The following SLC24A3 variants were observed in gnomAD, a reference collection of about 807,000 sequenced individuals.
The protein encoded by SLC24A3 is solute carrier family 24 member 3.
A neutral mutation model predicts 75.8 loss-of-function variants in SLC24A3; 28 were observed. The ratio of observed to expected loss-of-function variants is 0.37; its 90% CI spans 0.27 to 0.51. The LOEUF is 0.51. Among genes scored for constraint, SLC24A3 ranks in the 20% least tolerant of loss-of-function variants. The pLI, the probability that SLC24A3 is intolerant of heterozygous loss-of-function variation, is 0.94. For missense variants in SLC24A3, 663 were observed against 847.8 expected (o/e 0.78, Z 2.71); for synonymous variants, 372 against 334.1 (o/e 1.11, Z -1.24).
Position 19,457,498 on chromosome 20 carries a change from T to A in SLC24A3, c.272-57990T>A, listed in dbSNP as rs540901759. 2.0e-3 allele frequency among the ~76,000 whole-genome samples: 307 copies of A among 152,364 alleles called. 3 individuals are homozygous for A. Among genetic ancestry groups the A allele is most frequent in the Non-Finnish European group, 4.1e-3 (282 of 68,038 alleles). The stretch of plus-strand genomic sequence containing the variant: ...TAGTATTTTTACAATTTAGATGGTT[T>A]ATTCTACTGAATAGAAAAATGCCAA... On this transcript the variant is annotated intron_variant, in intron 2 of 16. Coordinates refer to ENST00000328041, the MANE Select transcript of SLC24A3 (RefSeq NM_020689.4).
At chr20:19,308,919 G>A (rs1984391901) in intron 2 of SLC24A3, among the ~76,000 whole-genome samples, 1 of 152,178 alleles carries the variant, frequency 6.6e-6, no homozygotes, top group African/African-American at 2.4e-5. Context: ...AAAGTGATAA[G>A]CATTTGATTG....
At chr20:19,671,682 G>T (rs1772717401) in intron 8 of SLC24A3, among the ~76,000 whole-genome samples, 1 of 151,606 alleles carries the variant, frequency 6.6e-6, no homozygotes, top group South Asian at 2.1e-4. Flanking sequence ...TTTTAAGGAG[G>T]CTAGGAAATA....
In SLC24A3 at chr20:19,592,795, TTC is replaced by T. The variant is rs781419912; in HGVS notation, c.612+7253_612+7254del. Among the ~76,000 whole-genome samples, 220 of 145,082 alleles carry T rather than the reference TTC, an allele frequency of 1.5e-3. 1 individual carries two copies. Among genetic ancestry groups the T allele is most frequent in the African/African-American group, 5.2e-3 (206 of 39,672 alleles). ...TTCGGCAAAAATTTTCTTTCTTTCT[TTC>T]TTTTTTTTTTTTTTTTGAGATAGAG... On this transcript the variant is annotated intron_variant, in intron 6 of 16. Transcript: ENST00000328041.
At chr20:19,491,878 C>T (rs974329118) in intron 2 of SLC24A3, among the ~76,000 whole-genome samples, 6 of 152,140 alleles carry the variant, frequency 3.9e-5, no homozygotes, top group Admixed American at 1.3e-4. Context: ...GGCAAGGGCG[C>T]TGGGCTTGCA....
intron 3 of SLC24A3, among the ~76,000 whole-genome samples, chr20:19,551,044 G>T (rs1187140916): frequency 2.0e-5 from 3 of 152,222 alleles, no homozygotes; most frequent in Non-Finnish European, 4.4e-5. Context: ...ACAAATAGTG[G>T]CCTAACTCCT....
chr20:19,521,223 A>G (rs2030092291), intron 3 of SLC24A3, among the ~76,000 whole-genome samples: 1 of 151,940 alleles, frequency 6.6e-6, no homozygotes, highest in Non-Finnish European at 1.5e-5. Flanking sequence ...AGCTGTTGTC[A>G]TCTTTTGTGC....
chr20:19,537,500 C>T (rs971989768), intron 3 of SLC24A3, among the ~76,000 whole-genome samples: 15 of 152,110 alleles, frequency 9.9e-5, no homozygotes, highest in Admixed American at 2.0e-4. Flanking sequence ...CTAGAAATAC[C>T]ATTTGACCCA....
chr20:19,373,665 A>G (rs1482400316), intron 2 of SLC24A3, among the ~76,000 whole-genome samples: 1 of 152,160 alleles, frequency 6.6e-6, no homozygotes, highest in Non-Finnish European at 1.5e-5. Flanking sequence ...CACCCTATAG[A>G]TTCTTAGTTC....
intron 15 of SLC24A3, among the ~76,000 whole-genome samples, chr20:19,699,820 G>A (rs1023359290): frequency 6.6e-6 from 1 of 152,224 alleles, no homozygotes; most frequent in Non-Finnish European, 1.5e-5. Context: ...TCCACTGGAG[G>A]CTGAGGCTTT....
In SLC24A3 at chr20:19,321,138, G is replaced by A. The variant is rs545144460; in HGVS notation, c.271+40051G>A. 2.6e-4 allele frequency among the ~76,000 whole-genome samples: 39 copies of A among 152,130 alleles called. 1 individual carries two copies. The highest frequency in any genetic ancestry group is 3.4e-3 in the Middle Eastern group (1 of 294). ...ATAATTTACTTTTTTGTGTGAAAGC[G>A]TTTGACAGTAAGCTGCAGAAAGACA... On this transcript the variant is annotated intron_variant, in intron 2 of 16. Transcript: ENST00000328041.
intron 2 of SLC24A3, among the ~76,000 whole-genome samples, chr20:19,492,440 G>A (rs576665631): frequency 6.7e-4 from 102 of 152,334 alleles, no homozygotes; most frequent in African/African-American, 2.3e-3. Flanking sequence ...CGCATCTGTA[G>A]CCTGGCACCA....
At chr20:19,369,280 G>T (rs920249807) in intron 2 of SLC24A3, among the ~76,000 whole-genome samples, 1 of 152,216 alleles carries the variant, frequency 6.6e-6, no homozygotes, top group Admixed American at 6.5e-5. Context: ...GGGCAGCACA[G>T]TGTCCTGTCA....
chr20:19,382,591 ATCTG>A (rs959447114), intron 2 of SLC24A3, among the ~76,000 whole-genome samples: 5 of 152,092 alleles, frequency 3.3e-5, no homozygotes, highest in Non-Finnish European at 7.4e-5. Flanking sequence ...TGTAACGAGC[ATCTG>A]TCTCTCTGCT....
intron 1 of SLC24A3, among the ~76,000 whole-genome samples, chr20:19,274,539 T>C (rs1257584178): frequency 6.6e-6 from 1 of 152,060 alleles, no homozygotes; most frequent in Admixed American, 6.5e-5. Flanking sequence ...AGAGCTCCTT[T>C]TGGGGGCTGC....
At chr20:19,717,737 G>T in intron 16 of SLC24A3, 144 bp downstream of exon 16, 4 of 843,208 alleles carry the variant, frequency 4.7e-6, no homozygotes, top group Non-Finnish European at 7.7e-6. Context: ...TCTTCTAGAA[G>T]TGAGTCCTAG....
In SLC24A3 at chr20:19,437,122, G is replaced by T. The variant is rs546114118; in HGVS notation, c.272-78366G>T. On this transcript the variant is annotated intron_variant, in intron 2 of 16. Coordinates refer to ENST00000328041, the MANE Select transcript of SLC24A3 (RefSeq NM_020689.4). ...AAGCAAATGGACTGTGTCAATGTAG[G>T]GGGGAGAGAGGATACATAAGAGGAA... Among the ~76,000 whole-genome samples the T allele has an allele frequency of 5.9e-5, 9 of 152,322 alleles. No individual in the cohort carries two copies. In the East Asian group the frequency reaches 1.3e-3, roughly 23 times the overall value.
intron 3 of SLC24A3, among the ~76,000 whole-genome samples, chr20:19,555,519 T>G (rs1181085976): frequency 6.6e-6 from 1 of 152,220 alleles, no homozygotes; most frequent in Admixed American, 6.5e-5. Flanking sequence ...CCTGGATTAC[T>G]CCAGGAAGTA....
At chr20:19,483,058 A>T (rs182903591) in intron 2 of SLC24A3, among the ~76,000 whole-genome samples, 1 of 152,330 alleles carries the variant, frequency 6.6e-6, no homozygotes, top group Non-Finnish European at 1.5e-5. Flanking sequence ...CTGCAGGGAT[A>T]TAGGCTTGAC....
intron 1 of SLC24A3, among the ~76,000 whole-genome samples, chr20:19,242,066 G>A (rs574714185): frequency 1.3e-5 from 2 of 152,198 alleles, no homozygotes; most frequent in South Asian, 4.2e-4. Context: ...GTACCTCAAT[G>A]CTATCAGATC....
Sources: gnomAD v4.1 joint callset for allele counts (sites outside exome capture counted in the v4.1 genomes callset) on GRCh38, gnomAD v4.1.1 for gene constraint, MANE v1.5 for transcripts, NCBI Gene and HGNC (gene_info 2026-07-23, HGNC 2026-07-21) for gene names.